Variants in PTAFR observed in about 807,000 individuals in gnomAD.
PTAFR encodes platelet-activating factor receptor.
Under a neutral mutation model 14.7 loss-of-function variants are expected in PTAFR, and 8 were observed. The ratio of observed to expected loss-of-function variants is 0.54; its 90% confidence interval spans 0.32 to 0.98. The LOEUF is 0.98. Among genes scored for constraint, PTAFR ranks in the 50% least tolerant of loss-of-function variants. The pLI is 0.04. For missense variants in PTAFR, 337 were observed against 451.2 expected, an observed-to-expected ratio of 0.75 and a Z score of 2.29; for synonymous variants, 156 against 176.5, an observed-to-expected ratio of 0.88 and a Z score of 0.92.
intron 1 of PTAFR, among the ~76,000 whole-genome samples, chr1:28,168,061 C>G (rs1646409008): frequency 6.8e-6 from 1 of 148,052 alleles, no homozygotes; most frequent in South Asian, 2.1e-4. Flanking sequence ...CGGGTTCACG[C>G]CATTCTCCCG....
At chr1:28,182,799 A>G (rs1294804660) in intron 1 of PTAFR, among the ~76,000 whole-genome samples, 1 of 152,000 alleles carries the variant, frequency 6.6e-6, no homozygotes, top group Non-Finnish European at 1.5e-5. Context: ...TCCTGCCTCA[A>G]TGTCCCAAGT....
At chr1:28,168,072 C>A (rs1245404667) in intron 1 of PTAFR, among the ~76,000 whole-genome samples, 1 of 149,094 alleles carries the variant, frequency 6.7e-6, no homozygotes, top group African/African-American at 2.5e-5. Context: ...CATTCTCCCG[C>A]CTCAGTCTCC....
At chr1:28,189,700 A>G (rs1367793385) in intron 1 of PTAFR, among the ~76,000 whole-genome samples, 5 of 151,170 alleles carry the variant, frequency 3.3e-5, no homozygotes, top group African/African-American at 9.7e-5. Flanking sequence ...AGACAAGCTC[A>G]TGCACTCCAG....
intron 1 of PTAFR, among the ~76,000 whole-genome samples, chr1:28,174,140 G>A (rs1391169357): frequency 6.6e-6 from 1 of 152,120 alleles, no homozygotes; most frequent in African/African-American, 2.4e-5. Context: ...AGGAGCCCAA[G>A]AGGGGGTGGT....
upstream of PTAFR, among the ~76,000 whole-genome samples, chr1:28,180,654 A>T (rs1221331649): frequency 6.6e-6 from 1 of 152,212 alleles, no homozygotes; most frequent in East Asian, 1.9e-4. Context: ...GAAGATATCC[A>T]GGACAGACAT....
intron 1 of PTAFR, among the ~76,000 whole-genome samples, chr1:28,152,381 C>T (rs1347349651): frequency 3.3e-5 from 5 of 152,090 alleles, no homozygotes; most frequent in African/African-American, 4.8e-5. Flanking sequence ...GTGGGCGGAT[C>T]GCCTGAGGTC....
chr1:28,147,237 G>A lies in PTAFR; in HGVS notation c.*2756C>T, dbSNP rs1010519618. On this transcript the variant is annotated 3_prime_UTR_variant, in exon 2 of 2. Transcript: ENST00000373857. ...ACAGATATTGCAAAAATTTCGAGGC[G>A]GGTACATGAATGACTGAAATTCAGG... 6.6e-6 allele frequency: 1 copy of A among 152,120 alleles called. No homozygotes were observed. The highest frequency in any genetic ancestry group is 1.9e-4 in the East Asian group (1 of 5,192). The allele number at this position is 152,120 out of a possible 1,614,324, so 9.4% of individuals were successfully genotyped here.
chr1:28,151,141 A>G, intron 1 of PTAFR, 82 bp from the exon 2 acceptor site: 4 of 761,342 alleles, frequency 5.3e-6, no homozygotes, highest in Non-Finnish European at 8.4e-6. Context: ...ACTCCTTGCC[A>G]TGGTTAGAAT....
chr1:28,185,024 C>A (rs1469719263), intron 1 of PTAFR, among the ~76,000 whole-genome samples: 1 of 152,158 alleles, frequency 6.6e-6, no homozygotes, highest in African/African-American at 2.4e-5. Context: ...CCTCAAAAGC[C>A]ACTTTCTCAG....
intron 1 of PTAFR, among the ~76,000 whole-genome samples, chr1:28,165,731 C>A (rs1393466251): frequency 6.6e-6 from 1 of 151,848 alleles, no homozygotes; most frequent in South Asian, 2.1e-4. Context: ...TACAGTGAGC[C>A]GAGATCGTGC....
intron 1 of PTAFR, among the ~76,000 whole-genome samples, chr1:28,166,266 T>G (rs1376760657): frequency 2.6e-5 from 4 of 152,158 alleles, no homozygotes; most frequent in Non-Finnish European, 5.9e-5. Context: ...TGCAGAAGAA[T>G]GAAGATGGGC....
intron 1 of PTAFR, among the ~76,000 whole-genome samples, chr1:28,154,856 G>A (rs1369347729): frequency 2.7e-5 from 4 of 150,010 alleles, no homozygotes; most frequent in South Asian, 2.1e-4. Flanking sequence ...AGGGCAGCAC[G>A]GATATTGAGA....
intron 1 of PTAFR, among the ~76,000 whole-genome samples, chr1:28,190,770 C>T (rs114497785): frequency 0.022 from 3,418 of 152,252 alleles, 142 homozygotes; most frequent in African/African-American, 0.077. Context: ...TGGGGATGGA[C>T]AGCCCTGAAT....
chr1:28,156,573 TA>T (rs2148994685), intron 1 of PTAFR, among the ~76,000 whole-genome samples: 1 of 152,360 alleles, frequency 6.6e-6, no homozygotes, highest in African/African-American at 2.4e-5. Flanking sequence ...TGTTTTTGTT[TA>T]AAAATGAAAA....
chr1:28,163,747 G>T (rs528421067), intron 1 of PTAFR, among the ~76,000 whole-genome samples: 13 of 152,348 alleles, frequency 8.5e-5, no homozygotes, highest in Middle Eastern at 3.4e-3. Context: ...CAGGGGAGGG[G>T]ACTGTGGGCC....
intron 1 of PTAFR, among the ~76,000 whole-genome samples, chr1:28,184,505 A>G (rs993618956): frequency 4.6e-5 from 7 of 152,142 alleles, no homozygotes; most frequent in African/African-American, 1.7e-4. Context: ...GGAGAAGTCA[A>G]AGTCCTTTAA....
In PTAFR at chr1:28,188,489, A is replaced by G. The variant is rs372189286; in HGVS notation, c.-39+5233T>C. On this transcript the variant is annotated intron_variant, in intron 1 of 1. Transcript: ENST00000305392. The stretch of plus-strand genomic sequence containing the variant: ...GTACAGTGGCTCATGCCTGTATCCT[A>G]GCACTTTGGGAGGCCAAGGCAGGAG... Among the ~76,000 whole-genome samples, 34 of 152,246 alleles carry G rather than the reference A, an allele frequency of 2.2e-4. No homozygotes were observed. In the South Asian group the frequency reaches 6.8e-3, roughly 31 times the overall value.
chr1:28,169,483 C>A (rs576855288), intron 1 of PTAFR, among the ~76,000 whole-genome samples: 24 of 152,150 alleles, frequency 1.6e-4, no homozygotes, highest in Admixed American at 6.6e-4. Context: ...AAAGGATGTA[C>A]AGTATTTAGA....
At chr1:28,172,642 G>A (rs1404694805) in intron 1 of PTAFR, among the ~76,000 whole-genome samples, 1 of 152,192 alleles carries the variant, frequency 6.6e-6, no homozygotes, top group Non-Finnish European at 1.5e-5. Flanking sequence ...AATGTTTGTT[G>A]AATAAGTGAA....
Sources: gnomAD v4.1 joint callset for allele counts (sites outside exome capture counted in the v4.1 genomes callset) on GRCh38, gnomAD v4.1.1 for gene constraint, MANE v1.5 for transcripts, NCBI Gene and HGNC (gene_info 2026-07-23, HGNC 2026-07-21) for gene names.